Variants in CRY1 observed in about 807,000 individuals in gnomAD.
CRY1 encodes the protein cryptochrome-1.
In CRY1, 45 loss-of-function variants were observed where a neutral mutation model predicts 76.0. That is an observed-to-expected ratio of 0.59 (90% confidence interval 0.47 to 0.76). The LOEUF (loss-of-function observed/expected upper bound fraction) is 0.76. Ranked by LOEUF, CRY1 falls within the 30% of genes least tolerant of loss-of-function variation. The probability of loss-of-function intolerance (pLI) is 0.00; values close to 1 mark genes in which losing one functional copy is unlikely to be tolerated. For synonymous variants in CRY1, 248 were observed against 244.0 expected (o/e 1.02, Z -0.15); for missense variants, 587 against 716.4 (o/e 0.82, Z 2.06).
intron 1 of CRY1, among the ~76,000 whole-genome samples, chr12:107,038,713 T>C (rs1403048799): frequency 6.6e-6 from 1 of 152,216 alleles, no homozygotes; most frequent in East Asian, 1.9e-4. Flanking sequence ...ACAGACACAC[T>C]GATTCAACAG....
At chr12:107,048,360 G>A (rs865857819) in intron 1 of CRY1, among the ~76,000 whole-genome samples, 3 of 152,140 alleles carry the variant, frequency 2.0e-5, no homozygotes, top group Non-Finnish European at 2.9e-5. Flanking sequence ...GATTACAGGC[G>A]TGCGCTACTG....
chr12:107,073,293 C>T (rs760247837), intron 1 of CRY1, among the ~76,000 whole-genome samples: 1 of 151,664 alleles, frequency 6.6e-6, no homozygotes, highest in Non-Finnish European at 1.5e-5. Flanking sequence ...TGGAGTGCAG[C>T]GGCGTGATCT....
At chr12:107,017,376 G>A (rs1952508046) in intron 2 of CRY1, among the ~76,000 whole-genome samples, 1 of 152,198 alleles carries the variant, frequency 6.6e-6, no homozygotes, top group Admixed American at 6.5e-5. Flanking sequence ...TTAGCTTAGT[G>A]GAATTGTTAA....
chr12:107,038,534 A>T (rs1485439880), intron 1 of CRY1, among the ~76,000 whole-genome samples: 1 of 152,236 alleles, frequency 6.6e-6, no homozygotes, highest in Non-Finnish European at 1.5e-5. Context: ...AGAAGCAAAG[A>T]TAGAAGACAG....
intron 2 of CRY1, among the ~76,000 whole-genome samples, chr12:107,020,314 A>T (rs1284923434): frequency 5.3e-5 from 8 of 152,196 alleles, no homozygotes; most frequent in Admixed American, 5.2e-4. Context: ...CTATTTCAAA[A>T]ATTTGATGAA....
intron 1 of CRY1, among the ~76,000 whole-genome samples, chr12:107,029,761 C>A (rs900274889): frequency 1.3e-5 from 2 of 152,078 alleles, no homozygotes; most frequent in Non-Finnish European, 1.5e-5. Flanking sequence ...TTCCAATACT[C>A]ACAGAGCTTA....
At chr12:107,069,083 T>C (rs1392967052) in intron 1 of CRY1, among the ~76,000 whole-genome samples, 1 of 152,200 alleles carries the variant, frequency 6.6e-6, no homozygotes, top group African/African-American at 2.4e-5. Context: ...ATTCTGTGAG[T>C]GATATTGCTG....
Position 106,998,016 on chromosome 12 carries a change from A to G in CRY1, c.1188T>C (p.Ser396=), listed in dbSNP as rs763224018. The change falls in exon 8 of 13, where the codon AGT becomes AGC. Residue 396 remains serine (S), a synonymous_variant. Transcript: ENST00000008527. The part of the protein sequence containing the change: ...LDADWSINAG[S]WMWLSCSSFF... ...AGGAACTACAAGACAGCCACATCCA[A>G]CTTCCAGCATTTATGCTCCAATCTG... 2.5e-5 allele frequency: 41 copies of G among 1,614,058 alleles called. No individual in the cohort carries two copies. Among genetic ancestry groups the G allele is most frequent in the Non-Finnish European group, 3.3e-5 (39 of 1,180,012 alleles).
intron 1 of CRY1, among the ~76,000 whole-genome samples, chr12:107,086,695 T>C (rs1228897431): frequency 2.0e-5 from 3 of 152,208 alleles, no homozygotes; most frequent in Non-Finnish European, 4.4e-5. Flanking sequence ...TCTGCAGGTA[T>C]ACAGAATACA....
chr12:107,034,603 T>G (rs1411213964), intron 1 of CRY1, among the ~76,000 whole-genome samples: 1 of 152,188 alleles, frequency 6.6e-6, no homozygotes, highest in Non-Finnish European at 1.5e-5. Context: ...AATGCTCCAA[T>G]GAATTCGGTT....
chr12:107,021,694 G>A (rs915589349), intron 2 of CRY1, among the ~76,000 whole-genome samples: 37 of 151,488 alleles, frequency 2.4e-4, no homozygotes, highest in African/African-American at 7.8e-4. Flanking sequence ...GTGTGTGTGT[G>A]TATACACATA....
chr12:107,003,672 A>C (rs1042559350), intron 3 of CRY1, among the ~76,000 whole-genome samples: 15 of 152,344 alleles, frequency 9.8e-5, no homozygotes, highest in East Asian at 1.9e-4. Flanking sequence ...TGCTACAATA[A>C]TACTACTGAG....
At chr12:107,028,638 A>G (rs1952642026) in intron 1 of CRY1, among the ~76,000 whole-genome samples, 1 of 152,256 alleles carries the variant, frequency 6.6e-6, no homozygotes, top group Admixed American at 6.5e-5. Flanking sequence ...AAAAAGAAGT[A>G]ACATGTACTT....
At chr12:107,025,098 A>T (rs949109840) in intron 1 of CRY1, among the ~76,000 whole-genome samples, 1 of 152,252 alleles carries the variant, frequency 6.6e-6, no homozygotes, top group African/African-American at 2.4e-5. Context: ...TATGTGCACA[A>T]GAAAATAATT....
At chr12:107,023,808 G>A (rs1952581647) in intron 1 of CRY1, among the ~76,000 whole-genome samples, 1 of 152,138 alleles carries the variant, frequency 6.6e-6, no homozygotes, top group African/African-American at 2.4e-5. Flanking sequence ...CCTAACACCT[G>A]ATCCCCATCC....
chr12:107,063,844 C>T (rs1044611240), intron 1 of CRY1, among the ~76,000 whole-genome samples: 2 of 151,992 alleles, frequency 1.3e-5, no homozygotes, highest in East Asian at 3.9e-4. Context: ...GTGATCCACC[C>T]GCCTCAGCCT....
At chr12:107,081,067 G>A (rs1953318663) in intron 1 of CRY1, among the ~76,000 whole-genome samples, 1 of 152,022 alleles carries the variant, frequency 6.6e-6, no homozygotes, top group South Asian at 2.1e-4. Flanking sequence ...GAAGAAACTC[G>A]TTTTGAAAAG....
chr12:106,995,657 A>ATTT (rs1205692540), intron 10 of CRY1, among the ~76,000 whole-genome samples: 1 of 151,378 alleles, frequency 6.6e-6, no homozygotes, highest in Non-Finnish European at 1.5e-5. Context: ...TTTCCCTTCA[A>ATTT]TTTTTATTTT....
chr12:107,013,971 G>C (rs917674673), intron 2 of CRY1, among the ~76,000 whole-genome samples: 1 of 152,082 alleles, frequency 6.6e-6, no homozygotes, highest in Non-Finnish European at 1.5e-5. Flanking sequence ...GGATGGTACT[G>C]CTCTAAGGTG....
Sources: allele counts gnomAD v4.1 joint callset (sites outside exome capture counted in the v4.1 genomes callset), GRCh38; gene constraint gnomAD v4.1.1; transcripts MANE v1.5; gene names NCBI Gene and HGNC (gene_info 2026-07-23, HGNC 2026-07-21).